CBFA2T3: variants seen among roughly 807,000 people sequenced by gnomAD.
The protein encoded by CBFA2T3 is transcriptional corepressor CBFA2T3.
A neutral mutation model predicts 58.6 loss-of-function variants in CBFA2T3; 31 were observed. That is an observed-to-expected ratio of 0.53 (90% CI 0.40 to 0.71). The LOEUF is 0.71. Ranked by LOEUF, CBFA2T3 falls within the 30% of genes least tolerant of loss-of-function variation. The pLI is 0.00. For synonymous variants in CBFA2T3, 531 were observed against 421.9 expected (o/e 1.26, Z -3.17); for missense variants, 1,076 against 963.1 (o/e 1.12, Z -1.55).
chr16:88,950,061 G>A (rs573964653), intron 1 of CBFA2T3, among the ~76,000 whole-genome samples: 3 of 152,112 alleles, frequency 2.0e-5, no homozygotes, highest in East Asian at 1.9e-4. Context: ...GAAGTCACAC[G>A]GCTTCCCTGC....
intron 1 of CBFA2T3, among the ~76,000 whole-genome samples, chr16:88,925,028 C>T (rs965117110): frequency 2.0e-5 from 3 of 152,216 alleles, no homozygotes; most frequent in Non-Finnish European, 2.9e-5. Flanking sequence ...GCTGTGTCTG[C>T]GAGGGGTCTC....
Position 88,963,506 on chromosome 16 carries a change from C to T in CBFA2T3, c.151+13151G>A, listed in dbSNP as rs74788333. On this transcript the variant is annotated intron_variant, in intron 1 of 11. Transcript: ENST00000268679. ...TAACTCCAGAGCACATCATCAACCTCGCAGTGAATCCCGGCCCCAGGAGCT... is the reference window on the plus strand; with the variant it reads ...TAACTCCAGAGCACATCATCAACCTTGCAGTGAATCCCGGCCCCAGGAGCT... Among the ~76,000 whole-genome samples the T allele has an allele frequency of 3.4e-3, 519 of 152,312 alleles. 4 individuals carry two copies. Among genetic ancestry groups the T allele is most frequent in the South Asian group, 0.024 (114 of 4,824 alleles).
rs967042147 is a variant in CBFA2T3, at chr16:88,977,102, C to T, written c.-295G>A. 11 of 352,286 alleles carry T rather than the reference C, an allele frequency of 3.1e-5. No individual in the cohort carries two copies. The highest frequency in any genetic ancestry group is 1.0e-4 in the African/African-American group (5 of 49,186). 21.8% of individuals were successfully genotyped at this position (352,286 alleles called of 1,614,324 possible). ...CGGGTGAGGCAGCCAGCTGTGTCCC[C>T]GTGATAATGCCGGGGCCGGAGGCCT... is the stretch of plus-strand genomic sequence containing the variant. On this transcript the variant is annotated 5_prime_UTR_variant, in exon 1 of 12. Coordinates refer to ENST00000268679, the MANE Select transcript of CBFA2T3 (RefSeq NM_005187.6).
chr16:88,961,841 C>A (rs1451260294), intron 1 of CBFA2T3, among the ~76,000 whole-genome samples: 1 of 143,370 alleles, frequency 7.0e-6, no homozygotes, highest in African/African-American at 2.6e-5. Context: ...ACACTCAGCG[C>A]TGGACATTCC....
chr16:88,920,056 G>C (rs534619210), intron 1 of CBFA2T3, among the ~76,000 whole-genome samples: 46 of 152,362 alleles, frequency 3.0e-4, no homozygotes, highest in African/African-American at 1.1e-3. Flanking sequence ...GCTCCCTGGG[G>C]TGGGCGTTCC....
intron 10 of CBFA2T3, among the ~76,000 whole-genome samples, chr16:88,880,395 G>A (rs542912206): frequency 7.9e-5 from 12 of 152,278 alleles, no homozygotes; most frequent in Admixed American, 7.2e-4. Flanking sequence ...CATTCTGCCC[G>A]GACTCTGGCC....
intron 1 of CBFA2T3, among the ~76,000 whole-genome samples, chr16:88,951,944 T>A (rs1972084675): frequency 6.6e-6 from 1 of 152,124 alleles, no homozygotes; most frequent in Non-Finnish European, 1.5e-5. Context: ...GTCCCAGGTG[T>A]CCCTGACGCC....
At position 88,882,679 on chromosome 16, in the gene CBFA2T3, G is replaced by A; in HGVS notation, c.1200C>T (p.Asn400=). 6.3e-7 allele frequency: 1 copy of A among 1,578,280 alleles called. No homozygotes were observed. The highest frequency in any genetic ancestry group is 8.6e-7 in the Non-Finnish European group (1 of 1,160,646). The change falls in exon 8 of 12, where the codon AAC becomes AAT. Residue 400 remains asparagine (N), a synonymous_variant. Transcript: ENST00000268679. Reference sequence around the variant, plus strand: ...GTGGCTGTGTGTGGACACTCACGTTGTTGAGGTGCTTCCACTCTTCTGCCC... The same window carrying A: ...GTGGCTGTGTGTGGACACTCACGTTATTGAGGTGCTTCCACTCTTCTGCCC... The part of the protein sequence containing the change: ...REWAEEWKHL[N]NLLNCIMDMV...
chr16:88,967,286 C>T (rs1191111378), intron 1 of CBFA2T3, among the ~76,000 whole-genome samples: 2 of 151,862 alleles, frequency 1.3e-5, no homozygotes, highest in African/African-American at 2.4e-5. Context: ...GTCAGCCTCG[C>T]AGGTGTCGAG....
intron 2 of CBFA2T3, among the ~76,000 whole-genome samples, chr16:88,901,115 G>A (rs1233409561): frequency 1.3e-5 from 2 of 152,268 alleles, no homozygotes; most frequent in African/African-American, 2.4e-5. Context: ...CGAGTTCCAC[G>A]TTCTCTCTGG....
At position 88,885,020 on chromosome 16, in the gene CBFA2T3, C is replaced by T. The variant is rs376612728; in HGVS notation, c.1117+26G>A. 1.7e-5 allele frequency: 27 copies of T among 1,548,426 alleles called. No individual in the cohort carries two copies. The highest frequency in any genetic ancestry group is 9.1e-5 in the East Asian group (4 of 43,762). On this transcript the variant is annotated intron_variant, in intron 7 of 11. Coordinates refer to ENST00000268679, the MANE Select transcript of CBFA2T3 (RefSeq NM_005187.6). The surrounding 1 kb of genome is among the most constrained non-coding windows in gnomAD (Gnocchi z 5.3). ...TGTGTGCTCCTGTAACACGCGTCCA[C>T]GCTCCCGCCCCACCGGGCTGCTCAC... is the stretch of plus-strand genomic sequence containing the variant.
chr16:88,925,410 G>T (rs1971055176), intron 1 of CBFA2T3, among the ~76,000 whole-genome samples: 1 of 152,178 alleles, frequency 6.6e-6, no homozygotes, highest in Non-Finnish European at 1.5e-5. Flanking sequence ...GGGGCCAGGG[G>T]GTGGTGCTGC....
chr16:88,942,149 C>G (rs71395346), intron 1 of CBFA2T3, among the ~76,000 whole-genome samples: 48,648 of 152,114 alleles, frequency 0.32, 8,188 homozygotes, highest in Middle Eastern at 0.53. Context: ...CGCTGCTCTG[C>G]CCTCTCCGCA....
chr16:88,957,797 A>G (rs1443113843), intron 1 of CBFA2T3: 1 of 152,434 alleles, frequency 6.6e-6, no homozygotes. Context: ...ACCGGAAAAG[A>G]CAAATCCACA....
chr16:88,974,757 G>A (rs4782492), intron 1 of CBFA2T3, among the ~76,000 whole-genome samples: 29,014 of 151,808 alleles, frequency 0.19, 4,079 homozygotes, highest in African/African-American at 0.4. Context: ...AGGACCCCCC[G>A]CAGTTCCCAT....
chr16:88,968,375 C>G (rs1239158094), intron 1 of CBFA2T3, among the ~76,000 whole-genome samples: 1 of 152,218 alleles, frequency 6.6e-6, no homozygotes, highest in South Asian at 2.1e-4. Flanking sequence ...GGGGACGGCC[C>G]CTTGCACTGC....
At chr16:88,950,482 G>A (rs542641994) in intron 1 of CBFA2T3, 3 of 403,306 alleles carry the variant, frequency 7.4e-6, no homozygotes, top group African/African-American at 5.5e-5. Context: ...CCCCCGGACC[G>A]GCACCGCCAC....
At chr16:88,889,474 G>C (rs529452523) in intron 5 of CBFA2T3, among the ~76,000 whole-genome samples, 1 of 151,874 alleles carries the variant, frequency 6.6e-6, no homozygotes, top group Non-Finnish European at 1.5e-5. Context: ...GAGGGACTGA[G>C]GGGAATGAGG....
intron 1 of CBFA2T3, among the ~76,000 whole-genome samples, chr16:88,975,161 CT>C (rs1334308088): frequency 4.3e-5 from 6 of 139,226 alleles, no homozygotes; most frequent in African/African-American, 8.6e-5. Context: ...GAGGTCCACC[CT>C]GACCCTCTCT....
Sources: allele counts gnomAD v4.1 joint callset (sites outside exome capture counted in the v4.1 genomes callset), GRCh38; gene constraint gnomAD v4.1.1; non-coding constraint Gnocchi (gnomAD v3.1); transcripts MANE v1.5; gene names NCBI Gene and HGNC (gene_info 2026-07-23, HGNC 2026-07-21).